CTNNA1: variants seen among roughly 807,000 people sequenced by gnomAD.
The protein encoded by CTNNA1 is catenin alpha-1.
CTNNA1 carries 37 observed loss-of-function variants against 98.4 expected under a neutral mutation model. The observed-to-expected ratio is 0.38, with a 90% CI of 0.29 to 0.49. The LOEUF is 0.49. Among genes scored for constraint, CTNNA1 ranks in the 20% least tolerant of loss-of-function variants. The probability of loss-of-function intolerance (pLI) is 0.95; values close to 1 mark genes in which losing one functional copy is unlikely to be tolerated. For missense variants in CTNNA1, 761 were observed against 1,147.2 expected, an observed-to-expected ratio of 0.66 and a Z score of 4.86; for synonymous variants, 404 against 413.2, an observed-to-expected ratio of 0.98 and a Z score of 0.27.
Position 138,933,815 on chromosome 5 carries a change from T to C in CTNNA1, c.2447T>C (p.Met816Thr), listed in dbSNP as rs1765968933. The change falls in exon 18 of 18, where the codon ATG becomes ACG. Residue 816 changes from methionine to threonine, a missense_variant. By Grantham distance (81) the Met-to-Thr change is moderately conservative. Transcript: ENST00000302763. ...ELVVSGVDSAMSLIQAAKNLM... is the reference protein window; with the variant it reads ...ELVVSGVDSATSLIQAAKNLM... Reference sequence around the variant, plus strand: ...TCTGCCTCGTAGGTGGACAGCGCCATGTCCCTGATCCAGGCAGCCAAGAAC... The same window carrying C: ...TCTGCCTCGTAGGTGGACAGCGCCACGTCCCTGATCCAGGCAGCCAAGAAC... 2 of 1,613,518 alleles carry C rather than the reference T, an allele frequency of 1.2e-6. No individual in the cohort carries two copies. Among genetic ancestry groups the C allele is most frequent in the Non-Finnish European group, 8.5e-7 (1 of 1,179,932 alleles).
chr5:138,781,557 A>G (rs1331760382), intron 1 of CTNNA1, among the ~76,000 whole-genome samples: 1 of 147,528 alleles, frequency 6.8e-6, no homozygotes, highest in African/African-American at 2.5e-5. Flanking sequence ...TCTGTCTCAA[A>G]AAAAAAAAAA....
In CTNNA1 at chr5:138,933,787, C is replaced by CT. The variant is rs2150358058; in HGVS notation, c.2434-14dup. The CT allele has an allele frequency of 6.2e-7, 1 of 1,610,114 alleles. No homozygotes were observed. The highest frequency in any genetic ancestry group is 8.5e-7 in the Non-Finnish European group (1 of 1,178,352). ...GTCAGGCCGGTGCTTCTTACCACCC[C>CT]TGTCTGCCTCGTAGGTGGACAGCGC... On this transcript the variant is annotated splice_polypyrimidine_tract_variant and intron_variant, in intron 17 of 17. Transcript: ENST00000302763.
At chr5:138,791,598 A>G (rs1446968223) in intron 3 of CTNNA1, among the ~76,000 whole-genome samples, 1 of 129,588 alleles carries the variant, frequency 7.7e-6, no homozygotes, top group African/African-American at 2.8e-5. Flanking sequence ...GTCTGGAGAC[A>G]GAGCAAGACT....
intron 7 of CTNNA1, among the ~76,000 whole-genome samples, chr5:138,852,477 A>T (rs1236657102): frequency 6.6e-6 from 1 of 150,458 alleles, no homozygotes; most frequent in African/African-American, 2.5e-5. Flanking sequence ...GGGGGTACAC[A>T]TTTGTCACTT....
At chr5:138,862,250 C>G (rs1764350245) in intron 7 of CTNNA1, among the ~76,000 whole-genome samples, 1 of 152,166 alleles carries the variant, frequency 6.6e-6, no homozygotes, top group Non-Finnish European at 1.5e-5. Context: ...CCTCTCCTGC[C>G]CACACCCCTC....
intron 9 of CTNNA1, among the ~76,000 whole-genome samples, chr5:138,903,508 C>A (rs151336170): frequency 2.0e-5 from 3 of 152,184 alleles, no homozygotes; most frequent in Non-Finnish European, 4.4e-5. Flanking sequence ...CAAGCCTGTT[C>A]ATTTAGAAAT....
At chr5:138,888,854 C>A (rs764438578) in intron 9 of CTNNA1, among the ~76,000 whole-genome samples, 97 of 152,096 alleles carry the variant, frequency 6.4e-4, no homozygotes, top group Non-Finnish European at 4.7e-4. Context: ...CACGTTAATA[C>A]CATAAAAATT....
chr5:138,934,104 G>T lies in CTNNA1; in HGVS notation c.*15G>T. ...ACAGCATCTAAGTCTGCCCAGGCCG[G>T]CCGCCCCCACCCCTCGGGGCTCCTG... On this transcript the variant is annotated 3_prime_UTR_variant, in exon 18 of 18. Coordinates refer to ENST00000302763, the MANE Select transcript of CTNNA1 (RefSeq NM_001903.5). 6.2e-7 allele frequency: 1 copy of T among 1,601,166 alleles called. No homozygotes were observed. Among genetic ancestry groups the T allele is most frequent in the Middle Eastern group, 1.8e-4 (1 of 5,546 alleles).
chr5:138,896,907 T>G (rs1756937321), intron 9 of CTNNA1, among the ~76,000 whole-genome samples: 1 of 152,208 alleles, frequency 6.6e-6, no homozygotes, highest in Non-Finnish European at 1.5e-5. Context: ...GCTTCATTCC[T>G]TGCCCACCTC....
chr5:138,839,523 G>A (rs1023002469), intron 7 of CTNNA1, among the ~76,000 whole-genome samples: 8 of 152,168 alleles, frequency 5.3e-5, no homozygotes, highest in East Asian at 1.9e-4. Context: ...TTGTTGGGTG[G>A]AGTGAAAGTG....
At chr5:138,828,430 GTCTT>G (rs1760942525) in intron 7 of CTNNA1, among the ~76,000 whole-genome samples, 1 of 151,922 alleles carries the variant, frequency 6.6e-6, no homozygotes, top group African/African-American at 2.4e-5. Context: ...GTTGCCATAT[GTCTT>G]TCTTTTTTTC....
chr5:138,900,617 C>T (rs557451219), intron 9 of CTNNA1, among the ~76,000 whole-genome samples: 3 of 152,170 alleles, frequency 2.0e-5, no homozygotes, highest in African/African-American at 7.2e-5. Context: ...GGATTTTTTC[C>T]TAAATGAAAC....
In CTNNA1 at chr5:138,782,006, C is replaced by T. The variant is rs1346100329; in HGVS notation, c.82C>T (p.Leu28=). The T allele has an allele frequency of 1.1e-5, 18 of 1,608,528 alleles. No homozygotes were observed. The East Asian group carries it at 3.1e-4, about 28-fold the overall frequency. ...LEIRTLAVER[L]LEPLVTQVTT... is the part of the protein sequence containing the mutation. ...GATCAGGACTCTGGCAGTTGAGAGA[C>T]TGTTGGAGCCTCTTGTTACACAGGT... The change falls in exon 2 of 18, where the codon CTG becomes TTG. Residue 28 remains leucine (L), a synonymous_variant. Transcript: ENST00000302763.
intron 5 of CTNNA1, among the ~76,000 whole-genome samples, chr5:138,820,394 C>G (rs1759914973): frequency 6.6e-6 from 1 of 152,090 alleles, no homozygotes; most frequent in Admixed American, 6.5e-5. Context: ...CAGTCTCGTC[C>G]CCTTCTTGGA....
At chr5:138,926,671 C>T (rs972731001) in intron 13 of CTNNA1, among the ~76,000 whole-genome samples, 12 of 152,184 alleles carry the variant, frequency 7.9e-5, no homozygotes, top group Admixed American at 6.5e-4. Context: ...AGCTTCTTCA[C>T]CCCCTGCCTC....
Position 138,893,016 on chromosome 5 carries a change from AAAAT to A in CTNNA1, c.1296+5394_1296+5397del, listed in dbSNP as rs147686745. Among the ~76,000 whole-genome samples the A allele has an allele frequency of 5.5e-4, 84 of 152,110 alleles. 1 individual carries two copies. The highest frequency in any genetic ancestry group is 9.7e-4 in the Non-Finnish European group (66 of 68,016). ...GAGCAATAGAGATAGACTCCGTCTCAAAATAAATAAATAAATAAATAAAAATAAA... is the reference window on the plus strand; with the variant it reads ...GAGCAATAGAGATAGACTCCGTCTCAAAATAAATAAATAAATAAAAATAAA... On this transcript the variant is annotated intron_variant, in intron 9 of 17. Coordinates refer to ENST00000302763, the MANE Select transcript of CTNNA1 (RefSeq NM_001903.5).
At chr5:138,831,837 A>G (rs1436169673) in intron 7 of CTNNA1, among the ~76,000 whole-genome samples, 3 of 152,210 alleles carry the variant, frequency 2.0e-5, no homozygotes, top group Non-Finnish European at 2.9e-5. Flanking sequence ...TGCTCAGTAA[A>G]TGCTTGCTTA....
At chr5:138,866,191 A>G (rs1170568600) in intron 7 of CTNNA1, among the ~76,000 whole-genome samples, 1 of 152,154 alleles carries the variant, frequency 6.6e-6, no homozygotes, top group East Asian at 1.9e-4. Context: ...CGGTCTGGAA[A>G]TAATTAATTA....
At chr5:138,844,589 A>T (rs1762542073) in intron 7 of CTNNA1, among the ~76,000 whole-genome samples, 1 of 152,186 alleles carries the variant, frequency 6.6e-6, no homozygotes, top group African/African-American at 2.4e-5. Context: ...GTTAAAAGAC[A>T]TAGGGAGCTT....
Sources: gnomAD v4.1 joint callset for allele counts (sites outside exome capture counted in the v4.1 genomes callset) on GRCh38, gnomAD v4.1.1 for gene constraint, MANE v1.5 for transcripts, NCBI Gene and HGNC (gene_info 2026-07-23, HGNC 2026-07-21) for gene names.